The following PALS1 variants were observed in gnomAD, a reference collection of about 807,000 sequenced individuals.
PALS1 encodes the protein protein PALS1.
A neutral mutation model predicts 78.9 loss-of-function variants in PALS1; 31 were observed. The observed-to-expected ratio is 0.39, with a 90% CI of 0.30 to 0.53. The LOEUF (loss-of-function observed/expected upper bound fraction) is 0.53, where lower values mean the gene tolerates loss of function less well. Among genes scored for constraint, PALS1 ranks in the 20% least tolerant of loss-of-function variants. The pLI is 0.67. For missense variants in PALS1, 704 were observed against 826.5 expected, an observed-to-expected ratio of 0.85 and a Z score of 1.82; for synonymous variants, 276 against 270.9, an observed-to-expected ratio of 1.02 and a Z score of -0.18.
At chr14:67,243,515 C>T (rs1336673446) in intron 1 of PALS1, among the ~76,000 whole-genome samples, 1 of 94,528 alleles carries the variant, frequency 1.1e-5, no homozygotes, top group Non-Finnish European at 2.0e-5. Flanking sequence ...TTTTTTGAGA[C>T]GGAGTCTCGC....
intron 2 of PALS1, among the ~76,000 whole-genome samples, chr14:67,278,313 G>C (rs1229501154): frequency 1.3e-5 from 2 of 151,596 alleles, no homozygotes; most frequent in Non-Finnish European, 2.9e-5. Context: ...TGGGATTACA[G>C]GCGTGAGCCA....
chr14:67,312,936 C>T (rs759325760), intron 9 of PALS1, among the ~76,000 whole-genome samples: 13 of 152,238 alleles, frequency 8.5e-5, no homozygotes, highest in South Asian at 2.1e-4. Context: ...CAGCCAATCC[C>T]ATATTGTAGT....
At chr14:67,291,964 AC>A (rs2084779232) in intron 3 of PALS1, among the ~76,000 whole-genome samples, 1 of 152,324 alleles carries the variant, frequency 6.6e-6, no homozygotes, top group South Asian at 2.1e-4. Flanking sequence ...AGAATCTCAG[AC>A]AAATTTATAT....
At chr14:67,328,835 G>T (rs371904604) in intron 14 of PALS1, among the ~76,000 whole-genome samples, 1 of 152,098 alleles carries the variant, frequency 6.6e-6, no homozygotes. Context: ...CCATTGGTCT[G>T]TATCTCTGTT....
intron 14 of PALS1, 86 bp downstream of exon 14, chr14:67,323,898 C>T: frequency 1.4e-6 from 1 of 702,086 alleles, no homozygotes; most frequent in Non-Finnish European, 2.4e-6. Flanking sequence ...TTAAAAGCTA[C>T]ATTAGCTTGA....
chr14:67,313,241 T>G (rs1039416182), intron 9 of PALS1, among the ~76,000 whole-genome samples: 1 of 152,180 alleles, frequency 6.6e-6, no homozygotes, highest in African/African-American at 2.4e-5. Context: ...GGGGACATGT[T>G]TCTGAGAGTT....
chr14:67,255,979 CTG>C (rs1190482575), intron 1 of PALS1, among the ~76,000 whole-genome samples: 1 of 152,222 alleles, frequency 6.6e-6, no homozygotes, highest in Admixed American at 6.5e-5. Context: ...TTGTGAGCCT[CTG>C]TGCTCAACCA....
At chr14:67,280,848 C>T (rs573063396) in intron 3 of PALS1, among the ~76,000 whole-genome samples, 9 of 128,620 alleles carry the variant, frequency 7.0e-5, no homozygotes, top group African/African-American at 2.7e-4. Flanking sequence ...TCCTTCCTTC[C>T]TTCCTTCCCT....
At chr14:67,275,548 C>T (rs964613889) in intron 2 of PALS1, among the ~76,000 whole-genome samples, 4 of 152,140 alleles carry the variant, frequency 2.6e-5, no homozygotes, top group African/African-American at 9.6e-5. Flanking sequence ...ATTTTCGCAT[C>T]GACATTCATC....
intron 4 of PALS1, among the ~76,000 whole-genome samples, chr14:67,297,061 T>A (rs2084865797): frequency 6.6e-6 from 1 of 152,192 alleles, no homozygotes; most frequent in Admixed American, 6.5e-5. Flanking sequence ...AACTTGATAA[T>A]AGTCAAAAAT....
rs187171128 is a variant in PALS1 at position 67,308,256 on chromosome 14, A to G, written c.1042-4271A>G. 1.2e-3 allele frequency among the ~76,000 whole-genome samples: 178 copies of G among 151,414 alleles called. 1 individual carries two copies. Among genetic ancestry groups the G allele is most frequent in the African/African-American group, 4.2e-3 (173 of 41,292 alleles). On this transcript the variant is annotated intron_variant, in intron 8 of 14. Coordinates refer to ENST00000261681, the MANE Select transcript of PALS1 (RefSeq NM_022474.4). ...GTTTAAAAAAAAAAAAAGTCAGTGT[A>G]AAAAGTATAAAAGCCAACCTAATAC...
intron 1 of PALS1, among the ~76,000 whole-genome samples, chr14:67,267,297 C>A (rs939468675): frequency 6.6e-6 from 1 of 151,984 alleles, no homozygotes; most frequent in African/African-American, 2.4e-5. Flanking sequence ...TCACTCTTGT[C>A]GCCCAGGCTG....
In PALS1 at chr14:67,335,727, T is replaced by C. The variant is rs1299860005; in HGVS notation, c.*2771T>C. 2 of 150,574 alleles carry C rather than the reference T, an allele frequency of 1.3e-5. No homozygotes were observed. Among genetic ancestry groups the C allele is most frequent in the African/African-American group, 5.0e-5 (2 of 39,758 alleles). The allele number at this position is 150,574 out of a possible 1,614,324, so 9.3% of individuals were successfully genotyped here. On this transcript the variant is annotated 3_prime_UTR_variant, in exon 15 of 15. Coordinates refer to ENST00000261681, the MANE Select transcript of PALS1 (RefSeq NM_022474.4). ...TGTTGTTAATCCCCCTTTGTACTCT[T>C]TTCCTGTATCTGCACTGTTATTTTG...
At chr14:67,328,550 C>G (rs1030805425) in intron 14 of PALS1, among the ~76,000 whole-genome samples, 1 of 152,160 alleles carries the variant, frequency 6.6e-6, no homozygotes. Context: ...GAAGTCCTTG[C>G]CCATGCCTAT....
rs779952016 is a variant in PALS1, at chr14:67,279,400, A to G, written c.230A>G (p.Gln77Arg). Residue 77 changes from glutamine (Q) to arginine (R), a missense_variant, in exon 3 of 15, where the codon CAA (glutamine) becomes CGA (arginine). Coordinates refer to ENST00000261681, the MANE Select transcript of PALS1 (RefSeq NM_022474.4). ...AGGAGAGAGGAAGAAGGGAAAAAGC[A>G]AGAACTTGACCTTAATTCTTCCATG... ...RRRREEEGKK[Q>R]ELDLNSSMRL... 1 of 1,614,010 alleles carries G rather than the reference A, an allele frequency of 6.2e-7. No individual in the cohort carries two copies. Among genetic ancestry groups the G allele is most frequent in the Admixed American group, 1.7e-5 (1 of 59,968 alleles).
At chr14:67,324,374 A>T (rs1271978010) in intron 14 of PALS1, among the ~76,000 whole-genome samples, 1 of 152,168 alleles carries the variant, frequency 6.6e-6, no homozygotes, top group Non-Finnish European at 1.5e-5. Context: ...AATATGTAAG[A>T]TGGTAACTCT....
intron 1 of PALS1, among the ~76,000 whole-genome samples, chr14:67,255,875 C>T (rs533443479): frequency 3.3e-5 from 5 of 152,216 alleles, no homozygotes; most frequent in Admixed American, 2.0e-4. Flanking sequence ...TTAGTAGAGA[C>T]GGGGTTTCAC....
intron 1 of PALS1, among the ~76,000 whole-genome samples, chr14:67,247,280 T>C (rs1297612355): frequency 6.6e-6 from 1 of 152,250 alleles, no homozygotes; most frequent in African/African-American, 2.4e-5. Flanking sequence ...TTTTTGGTCC[T>C]ATTGTAAATG....
chr14:67,262,804 T>C (rs2084260248), intron 1 of PALS1, among the ~76,000 whole-genome samples: 1 of 152,188 alleles, frequency 6.6e-6, no homozygotes. Flanking sequence ...GTTTGTTAAC[T>C]AGACTGGTCT....
Sources: gnomAD v4.1 joint callset for allele counts (sites outside exome capture counted in the v4.1 genomes callset) on GRCh38, gnomAD v4.1.1 for gene constraint, MANE v1.5 for transcripts, NCBI Gene and HGNC (gene_info 2026-07-23, HGNC 2026-07-21) for gene names.